MYO3A: variants seen among roughly 807,000 people sequenced by gnomAD.
The protein encoded by MYO3A is myosin IIIA, also known as myosin-IIIa.
Under a neutral mutation model 192.7 loss-of-function variants are expected in MYO3A, and 180 were observed. That is an observed-to-expected ratio of 0.93 (90% CI 0.83 to 1.06). The LOEUF (loss-of-function observed/expected upper bound fraction) is 1.06. MYO3A is among the 50% of genes least tolerant of loss of function. MYO3A has a pLI of 0.00. For synonymous variants in MYO3A, 628 were observed against 645.3 expected (o/e 0.97, Z 0.41); for missense variants, 1,896 against 1,905.0 (o/e 1.00, Z 0.09).
intron 4 of MYO3A, among the ~76,000 whole-genome samples, chr10:25,993,358 C>T (rs1840182708): frequency 6.6e-6 from 1 of 151,678 alleles, no homozygotes; most frequent in Admixed American, 6.6e-5. Flanking sequence ...TGGTGATATC[C>T]CCTTCATGAT....
At chr10:26,143,805 C>T (rs145005173) in intron 21 of MYO3A, among the ~76,000 whole-genome samples, 69 of 152,262 alleles carry the variant, frequency 4.5e-4, no homozygotes, top group African/African-American at 1.5e-3. Context: ...ATAAATTAAG[C>T]AAGTTTAAAT....
intron 20 of MYO3A, among the ~76,000 whole-genome samples, chr10:26,131,389 T>C (rs981364661): frequency 1.3e-5 from 2 of 152,248 alleles, no homozygotes; most frequent in African/African-American, 4.8e-5. Context: ...ACCCAATCTA[T>C]AGCATGCAGA....
intron 4 of MYO3A, among the ~76,000 whole-genome samples, chr10:25,973,946 T>C (rs1406796363): frequency 2.0e-5 from 3 of 152,112 alleles, no homozygotes; most frequent in African/African-American, 7.2e-5. Context: ...TAATGCAAGA[T>C]GGATTAAAGA....
chr10:26,100,872 G>A (rs1464647860), intron 17 of MYO3A, among the ~76,000 whole-genome samples: 4 of 152,196 alleles, frequency 2.6e-5, no homozygotes, highest in Non-Finnish European at 5.9e-5. Context: ...TGTATATTCT[G>A]TTGATTTGGG....
chr10:25,998,640 A>T (rs1415949757), intron 6 of MYO3A, among the ~76,000 whole-genome samples: 2 of 152,142 alleles, frequency 1.3e-5, no homozygotes, highest in Non-Finnish European at 2.9e-5. Flanking sequence ...ACCCTGTAAG[A>T]CAGACTCAAA....
chr10:26,132,522 G>A (rs1313043819), intron 20 of MYO3A, among the ~76,000 whole-genome samples: 1 of 152,188 alleles, frequency 6.6e-6, no homozygotes, highest in Non-Finnish European at 1.5e-5. Flanking sequence ...GGGCCAGTGA[G>A]CACCTAGAAC....
chr10:26,111,086 T>G (rs749329491), intron 17 of MYO3A, among the ~76,000 whole-genome samples: 2 of 152,108 alleles, frequency 1.3e-5, no homozygotes, highest in Non-Finnish European at 2.9e-5. Context: ...CAGGCTGGTC[T>G]GAAACTCCTG....
chr10:26,158,063 A>G (rs1841253209), intron 26 of MYO3A, among the ~76,000 whole-genome samples: 1 of 152,178 alleles, frequency 6.6e-6, no homozygotes, highest in Non-Finnish European at 1.5e-5. Flanking sequence ...ACCCTGGCCT[A>G]TAACCCTAAC....
chr10:26,192,655 C>CTT (rs35651453), intron 31 of MYO3A, among the ~76,000 whole-genome samples: 6,363 of 130,736 alleles, frequency 0.049, 518 homozygotes, highest in African/African-American at 0.16. Flanking sequence ...CCTTTCTTTC[C>CTT]TTTTTTTTTT....
At chr10:26,028,870 G>C (rs997981907) in intron 10 of MYO3A, among the ~76,000 whole-genome samples, 17 of 152,206 alleles carry the variant, frequency 1.1e-4, no homozygotes, top group African/African-American at 4.1e-4. Context: ...CCTCATAACT[G>C]GGAAATCCTG....
intron 4 of MYO3A, among the ~76,000 whole-genome samples, chr10:25,989,188 C>G (rs895663456): frequency 6.6e-6 from 1 of 151,362 alleles, no homozygotes; most frequent in Non-Finnish European, 1.5e-5. Context: ...TTAAGTGATC[C>G]TTTCACCTTG....
chr10:26,194,160 T>C (rs1364388436), intron 32 of MYO3A, among the ~76,000 whole-genome samples: 1 of 152,150 alleles, frequency 6.6e-6, no homozygotes, highest in African/African-American at 2.4e-5. Flanking sequence ...CATTTCCCAC[T>C]GTGGAATATT....
intron 33 of MYO3A, among the ~76,000 whole-genome samples, chr10:26,202,181 A>G (rs1030361473): frequency 2.0e-5 from 3 of 152,236 alleles, no homozygotes; most frequent in African/African-American, 7.2e-5. Context: ...AGTGAGTGCT[A>G]AGAACAAACA....
rs533161828 is a variant in MYO3A at position 26,143,715 on chromosome 10, G to T, written c.2416+114G>T. 26 of 1,313,564 alleles carry T rather than the reference G, an allele frequency of 2.0e-5. No homozygotes were observed. The East Asian group carries it at 5.6e-4, about 28-fold the overall frequency. 81.4% of individuals were successfully genotyped at this position (1,313,564 alleles called of 1,614,324 possible). On this transcript the variant is annotated intron_variant, in intron 21 of 34. Coordinates refer to ENST00000642920, the MANE Select transcript of MYO3A (RefSeq NM_017433.5). The stretch of plus-strand genomic sequence containing the variant: ...GAAGAAAATAGCTGTCACAAAGCCT[G>T]CATATTTGACTTTAAAGAAGAGCCT...
chr10:25,944,648 T>C (rs1012976813), intron 2 of MYO3A, among the ~76,000 whole-genome samples: 2 of 152,160 alleles, frequency 1.3e-5, no homozygotes, highest in East Asian at 1.9e-4. Context: ...TGTGTGTTTC[T>C]AGGAATTTGT....
chr10:25,984,475 A>G (rs1839522661), intron 4 of MYO3A, among the ~76,000 whole-genome samples: 1 of 152,176 alleles, frequency 6.6e-6, no homozygotes, highest in Non-Finnish European at 1.5e-5. Flanking sequence ...GGCCCTATGC[A>G]AACCAGAAAC....
Position 26,174,412 on chromosome 10 carries a change from C to T in MYO3A, c.4148C>T (p.Pro1383Leu). The T allele has an allele frequency of 1.9e-6, 3 of 1,614,144 alleles. No individual in the cohort carries two copies. Among genetic ancestry groups the T allele is most frequent in the Non-Finnish European group, 2.5e-6 (3 of 1,180,030 alleles). ...AAGCATCAGAGGATTGTCACAACAC[C>T]AACAGAAGTAGCAAGAAACACTCAT... ...SFKHQRIVTT[P>L]TEVARNTHNL... The change falls in exon 30 of 35, where the codon CCA becomes CTA. Residue 1383 changes from proline to leucine, a missense_variant. Transcript: ENST00000642920.
chr10:26,154,015 G>GT (rs1173528217), intron 24 of MYO3A, 86 bp downstream of exon 24: 3 of 1,010,940 alleles, frequency 3.0e-6, no homozygotes, highest in Non-Finnish European at 4.6e-6. Flanking sequence ...AAAGTCAACA[G>GT]TTTTTTTCTT....
At chr10:26,017,925 G>T (rs982511024) in intron 7 of MYO3A, among the ~76,000 whole-genome samples, 1 of 150,520 alleles carries the variant, frequency 6.6e-6, no homozygotes, top group Non-Finnish European at 1.5e-5. Flanking sequence ...TTACAAAAAT[G>T]AGAAGTTAAT....
Sources: allele counts gnomAD v4.1 joint callset (sites outside exome capture counted in the v4.1 genomes callset), GRCh38; gene constraint gnomAD v4.1.1; transcripts MANE v1.5; gene names NCBI Gene and HGNC (gene_info 2026-07-23, HGNC 2026-07-21).